NPAS3: variants seen among roughly 807,000 people sequenced by gnomAD.
The protein encoded by NPAS3 is neuronal PAS domain-containing protein 3.
NPAS3 carries 14 observed loss-of-function variants against 73.1 expected under a neutral mutation model. The observed-to-expected ratio is 0.19, with a 90% CI of 0.13 to 0.30. The LOEUF (loss-of-function observed/expected upper bound fraction) is 0.30. Ranked by LOEUF, NPAS3 falls within the 10% of genes least tolerant of loss-of-function variation. The pLI is 1.00. For missense variants in NPAS3, 1,096 were observed against 1,250.0 expected, an observed-to-expected ratio of 0.88 and a Z score of 1.86; for synonymous variants, 620 against 541.5, an observed-to-expected ratio of 1.14 and a Z score of -2.01.
At chr14:33,621,556 G>A (rs980194145) in intron 5 of NPAS3, among the ~76,000 whole-genome samples, 1 of 152,136 alleles carries the variant, frequency 6.6e-6, no homozygotes, top group South Asian at 2.1e-4. Context: ...CCCCCACTAT[G>A]GTTAAATTTT....
chr14:33,065,757 A>G (rs980780407), intron 2 of NPAS3, among the ~76,000 whole-genome samples: 3 of 151,960 alleles, frequency 2.0e-5, no homozygotes, highest in Non-Finnish European at 2.9e-5. Context: ...TATTTCTCTT[A>G]CTAGCAATTC....
At chr14:33,330,494 G>A (rs771253545) in intron 3 of NPAS3, among the ~76,000 whole-genome samples, 5 of 151,990 alleles carry the variant, frequency 3.3e-5, no homozygotes, top group Non-Finnish European at 5.9e-5. Context: ...TAAACACTTG[G>A]GAGGCCATAT....
At chr14:33,449,993 T>A (rs2049715066) in intron 4 of NPAS3, among the ~76,000 whole-genome samples, 1 of 152,186 alleles carries the variant, frequency 6.6e-6, no homozygotes, top group African/African-American at 2.4e-5. Context: ...TTCTGATGCC[T>A]AAATTAACTG....
At chr14:33,145,147 G>A (rs1434335199) in intron 2 of NPAS3, among the ~76,000 whole-genome samples, 1 of 152,294 alleles carries the variant, frequency 6.6e-6, no homozygotes, top group African/African-American at 2.4e-5. Flanking sequence ...AGAGAGGTTT[G>A]CAGTTCACCC....
At chr14:33,780,325 A>G (rs555356477) in intron 9 of NPAS3, among the ~76,000 whole-genome samples, 2 of 152,378 alleles carry the variant, frequency 1.3e-5, no homozygotes, top group African/African-American at 4.8e-5. Context: ...GAAAAGAAAC[A>G]TCAGGTTCTT....
intron 9 of NPAS3, among the ~76,000 whole-genome samples, chr14:33,789,582 A>ATTTTTTTTT (rs1566544083): frequency 1.1e-5 from 1 of 89,212 alleles, no homozygotes; most frequent in African/African-American, 4.8e-5. Flanking sequence ...CTAGAGTACA[A>ATTTTTTTTT]CTTTTTTTTT....
At chr14:33,284,618 T>A (rs191627980) in intron 3 of NPAS3, among the ~76,000 whole-genome samples, 1 of 152,154 alleles carries the variant, frequency 6.6e-6, no homozygotes, top group African/African-American at 2.4e-5. Context: ...ACCTTCAAAA[T>A]GATTTTTTTT....
At chr14:33,054,012 A>G (rs1197916655) in intron 1 of NPAS3, among the ~76,000 whole-genome samples, 1 of 152,224 alleles carries the variant, frequency 6.6e-6, no homozygotes, top group Non-Finnish European at 1.5e-5. Flanking sequence ...GTGTGATCTT[A>G]GGTCAAACCA....
intron 3 of NPAS3, among the ~76,000 whole-genome samples, chr14:33,221,616 A>T (rs1487076332): frequency 6.6e-6 from 1 of 151,950 alleles, no homozygotes; most frequent in Non-Finnish European, 1.5e-5. Flanking sequence ...TGTCTCTAAA[A>T]TTTTTTTTAA....
chr14:33,708,790 T>C (rs1456471200), intron 6 of NPAS3, among the ~76,000 whole-genome samples: 2 of 152,106 alleles, frequency 1.3e-5, no homozygotes, highest in Non-Finnish European at 2.9e-5. Flanking sequence ...GCAATGCATC[T>C]CTGAAAGGCA....
chr14:33,437,890 T>A (rs1594905319), intron 4 of NPAS3, among the ~76,000 whole-genome samples: 1 of 152,306 alleles, frequency 6.6e-6, no homozygotes. Context: ...TCTTCATACA[T>A]TCCAAGGTAG....
intron 4 of NPAS3, among the ~76,000 whole-genome samples, chr14:33,521,570 C>G (rs2140104210): frequency 6.7e-6 from 1 of 148,486 alleles, no homozygotes; most frequent in South Asian, 2.2e-4. Flanking sequence ...AAATGTGACT[C>G]TCTGTTTATC....
At chr14:33,796,711 C>G (rs1445625648) in intron 10 of NPAS3, among the ~76,000 whole-genome samples, 1 of 152,202 alleles carries the variant, frequency 6.6e-6, no homozygotes, top group Admixed American at 6.5e-5. Flanking sequence ...ACTGACTCAA[C>G]ATGCTCTCTC....
At chr14:33,678,789 C>T (rs2059846728) in intron 6 of NPAS3, among the ~76,000 whole-genome samples, 1 of 150,862 alleles carries the variant, frequency 6.6e-6, no homozygotes, top group African/African-American at 2.4e-5. Flanking sequence ...TAAACCAGTT[C>T]TGCTAGAGTA....
chr14:33,627,413 C>T (rs1019960903), intron 5 of NPAS3, among the ~76,000 whole-genome samples: 4 of 152,028 alleles, frequency 2.6e-5, no homozygotes, highest in East Asian at 1.9e-4. Context: ...ATTTCTGTAT[C>T]GGGATGCACC....
chr14:33,317,742 C>T (rs907055428), intron 3 of NPAS3, among the ~76,000 whole-genome samples: 1 of 152,036 alleles, frequency 6.6e-6, no homozygotes, highest in Non-Finnish European at 1.5e-5. Flanking sequence ...CCATGCTAAA[C>T]TGTGAGTCAA....
At chr14:32,974,162 T>G (rs1343638263) in intron 1 of NPAS3, among the ~76,000 whole-genome samples, 1 of 152,222 alleles carries the variant, frequency 6.6e-6, no homozygotes, top group African/African-American at 2.4e-5. Flanking sequence ...GTTTGATTAC[T>G]GTCATCTAAG....
Position 33,800,100 on chromosome 14 carries a change from A to G in NPAS3, c.1793A>G (p.Gln598Arg). ...GGCGCGCAGGCCTCCAGCAAGCACC[A>G]GAAGCGCAAGAAAAGGCGGAAACGG... Residue 598 changes from glutamine (Q) to arginine (R), a missense_variant, in exon 12 of 12, where the codon CAG becomes CGG. Physicochemically the swap from Gln to Arg is conservative, Grantham distance 43. Around this residue, in one of 5 missense-constraint regions of NPAS3, gnomAD observed 698 missense variants for 676.7 expected, o/e 1.03. Transcript: ENST00000356141. The surrounding 1 kb of genome is among the most constrained non-coding windows in gnomAD (Gnocchi z 6.5). 6.3e-7 allele frequency: 1 copy of G among 1,587,606 alleles called. No individual in the cohort carries two copies. Among genetic ancestry groups the G allele is most frequent in the Non-Finnish European group, 8.5e-7 (1 of 1,170,206 alleles).
chr14:32,982,278 A>G (rs897560439), intron 1 of NPAS3, among the ~76,000 whole-genome samples: 1 of 152,184 alleles, frequency 6.6e-6, no homozygotes, highest in Non-Finnish European at 1.5e-5. Context: ...TTGAAGATGG[A>G]GCCCTGATGG....
Sources: allele counts gnomAD v4.1 joint callset (sites outside exome capture counted in the v4.1 genomes callset), GRCh38; gene constraint gnomAD v4.1.1; regional missense constraint gnomAD v4.1.1; non-coding constraint Gnocchi (gnomAD v3.1); transcripts MANE v1.5; gene names NCBI Gene and HGNC (gene_info 2026-07-23, HGNC 2026-07-21).